Variants in MTMR7 observed in about 807,000 individuals in gnomAD.
MTMR7 encodes the protein myotubularin related protein 7.
Under a neutral mutation model 81.2 loss-of-function variants are expected in MTMR7, and 76 were observed. The observed-to-expected ratio is 0.94, with a 90% CI of 0.78 to 1.13. The LOEUF (loss-of-function observed/expected upper bound fraction) is 1.13. MTMR7 is among the 50% of genes most tolerant of loss of function. The pLI, the probability that MTMR7 is intolerant of heterozygous loss-of-function variation, is 0.00. For synonymous variants in MTMR7, 372 were observed against 289.8 expected, an observed-to-expected ratio of 1.28 and a Z score of -2.88; for missense variants, 1,044 against 820.0, an observed-to-expected ratio of 1.27 and a Z score of -3.34.
chr8:17,373,036 C>G, intron 2 of MTMR7, 82 bp downstream of exon 2: 1 of 1,546,730 alleles, frequency 6.5e-7, no homozygotes, highest in Non-Finnish European at 8.8e-7. Context: ...CCATCTCACC[C>G]TGAGGAAAAA....
rs1369512487 is a variant in MTMR7, at chr8:17,306,702, G to C, written c.1152-745C>G. 2.6e-5 allele frequency among the ~76,000 whole-genome samples: 4 copies of C among 152,146 alleles called. No individual in the cohort carries two copies. In the East Asian group the frequency reaches 7.7e-4, roughly 29 times the overall value. ...TGTTAGTAAGAGATCATCACCTTGA[G>C]GAAGAGGAATGAGCAATGATCAGTT... On this transcript the variant is annotated intron_variant, in intron 10 of 13. Transcript: ENST00000180173.
At chr8:17,338,520 A>G (rs1336123730) in intron 6 of MTMR7, among the ~76,000 whole-genome samples, 1 of 152,196 alleles carries the variant, frequency 6.6e-6, no homozygotes, top group Non-Finnish European at 1.5e-5. Flanking sequence ...CTAAGCAGCT[A>G]ATCATTAAAT....
At chr8:17,358,241 T>A (rs1177896885) in intron 4 of MTMR7, among the ~76,000 whole-genome samples, 1 of 151,970 alleles carries the variant, frequency 6.6e-6, no homozygotes, top group Non-Finnish European at 1.5e-5. Flanking sequence ...CCAAGCAAAC[T>A]CTGACAAAGA....
At chr8:17,316,130 T>C (rs943837727) in intron 7 of MTMR7, among the ~76,000 whole-genome samples, 2 of 152,202 alleles carry the variant, frequency 1.3e-5, no homozygotes, top group African/African-American at 4.8e-5. Flanking sequence ...ACATACTAGC[T>C]ATGTGGGCTT....
intron 1 of MTMR7, among the ~76,000 whole-genome samples, chr8:17,412,255 A>C (rs1821755132): frequency 6.6e-6 from 1 of 152,198 alleles, no homozygotes; most frequent in Admixed American, 6.5e-5. Flanking sequence ...CTTGCTGGCC[A>C]TAAAGCAATT....
intron 4 of MTMR7, among the ~76,000 whole-genome samples, chr8:17,350,641 C>T (rs1019816577): frequency 1.3e-5 from 2 of 152,102 alleles, no homozygotes; most frequent in African/African-American, 4.8e-5. Flanking sequence ...GCCCTGTGTC[C>T]ATCTCCACCC....
In MTMR7 at chr8:17,361,294, A is replaced by T; in HGVS notation, c.311-20T>A. On this transcript the variant is annotated intron_variant, in intron 3 of 13. Transcript: ENST00000180173. ...ATTTCACTGCAAGAAAAGGTAGGAT[A>T]AAGTTAAATCAAGCTTAGTCAAAAC... The T allele has an allele frequency of 6.2e-7, 1 of 1,613,848 alleles. No individual in the cohort carries two copies. The highest frequency in any genetic ancestry group is 8.5e-7 in the Non-Finnish European group (1 of 1,179,734).
chr8:17,367,492 T>C (rs1005652165), intron 3 of MTMR7, among the ~76,000 whole-genome samples: 7 of 152,204 alleles, frequency 4.6e-5, no homozygotes, highest in African/African-American at 1.7e-4. Flanking sequence ...CCACAACCCT[T>C]ATTTTAACCT....
In MTMR7 at chr8:17,305,780, G is replaced by A. The variant is rs1253971674; in HGVS notation, c.1329C>T (p.Ser443=). 7 of 1,612,604 alleles carry A rather than the reference G, an allele frequency of 4.3e-6. 1 individual carries two copies. Among genetic ancestry groups the A allele is most frequent in the Non-Finnish European group, 3.4e-6 (4 of 1,178,900 alleles). The change falls in exon 11 of 14, where the codon AGC becomes AGT. Residue 443 remains serine, a synonymous_variant. Coordinates refer to ENST00000180173, the MANE Select transcript of MTMR7 (RefSeq NM_004686.5). ...SCQFGNFLCN[S]QKERRELKIQ... is the part of the protein sequence containing the mutation. ...ACTTGAGTTCTCGTCTCTCCTTTTG[G>A]CTGTTACATAGGAAGTTTCCAAACT...
At chr8:17,400,452 G>C (rs1458230717) in intron 1 of MTMR7, among the ~76,000 whole-genome samples, 2 of 152,182 alleles carry the variant, frequency 1.3e-5, no homozygotes, top group South Asian at 4.1e-4. Context: ...TTGATGTTGA[G>C]AACAGGAAAG....
intron 3 of MTMR7, among the ~76,000 whole-genome samples, chr8:17,364,100 G>A (rs1344319452): frequency 7.0e-6 from 1 of 142,686 alleles, no homozygotes; most frequent in Admixed American, 7.4e-5. Context: ...CGCGATCTCG[G>A]CTCACTGCAA....
intron 6 of MTMR7, chr8:17,339,137 G>C (rs557841953): frequency 4.6e-5 from 7 of 152,332 alleles, no homozygotes; most frequent in Admixed American, 1.3e-4. Flanking sequence ...GATCACCAAT[G>C]AGTGTAGACC....
chr8:17,340,645 A>G (rs1388459021), intron 6 of MTMR7, among the ~76,000 whole-genome samples: 1 of 152,228 alleles, frequency 6.6e-6, no homozygotes, highest in African/African-American at 2.4e-5. Context: ...TGTAAGATCA[A>G]TGTGGCTCAC....
intron 1 of MTMR7, among the ~76,000 whole-genome samples, chr8:17,393,707 C>T (rs369181064): frequency 4.6e-5 from 7 of 151,918 alleles, no homozygotes; most frequent in East Asian, 3.9e-4. Flanking sequence ...AGAGGGGTTG[C>T]GAGGGGAGGG....
intron 3 of MTMR7, among the ~76,000 whole-genome samples, chr8:17,369,232 T>C (rs969620495): frequency 1.3e-5 from 2 of 152,238 alleles, no homozygotes; most frequent in Non-Finnish European, 2.9e-5. Flanking sequence ...CCAATTTTAG[T>C]GCACCCTCCA....
chr8:17,356,220 T>G (rs957413133), intron 4 of MTMR7, among the ~76,000 whole-genome samples: 2 of 152,190 alleles, frequency 1.3e-5, no homozygotes, highest in Non-Finnish European at 2.9e-5. Context: ...TTTTTATCAG[T>G]ACATAGGAAC....
At chr8:17,331,581 G>T (rs1819006812) in intron 6 of MTMR7, among the ~76,000 whole-genome samples, 1 of 152,186 alleles carries the variant, frequency 6.6e-6, no homozygotes, top group African/African-American at 2.4e-5. Flanking sequence ...ATGCCAAACT[G>T]AATGTGGAAT....
rs150456638 is a variant in MTMR7, at chr8:17,373,228, G to A, written c.37C>T (p.Arg13Cys). The A allele has an allele frequency of 8.1e-5, 130 of 1,611,870 alleles. No homozygotes were observed. The highest frequency in any genetic ancestry group is 3.6e-4 in the African/African-American group (27 of 74,860). ...HIRTPKVENV[R>C]LVDRVSPKKA... ...TTAGGAGACACTCGATCTACCAAGC[G>A]GACATTTTCAACCTAGAGAAATCGG... Residue 13 changes from arginine to cysteine, a missense_variant, in exon 2 of 14, where the codon CGC becomes TGC. Coordinates refer to ENST00000180173, the MANE Select transcript of MTMR7 (RefSeq NM_004686.5).
At chr8:17,300,998 C>A (rs762808758) in intron 13 of MTMR7, among the ~76,000 whole-genome samples, 1 of 152,212 alleles carries the variant, frequency 6.6e-6, no homozygotes, top group Admixed American at 6.5e-5. Context: ...ATGGATATAC[C>A]AGATTTTGTT....
Sources: allele counts gnomAD v4.1 joint callset (sites outside exome capture counted in the v4.1 genomes callset), GRCh38; gene constraint gnomAD v4.1.1; transcripts MANE v1.5; gene names NCBI Gene and HGNC (gene_info 2026-07-23, HGNC 2026-07-21).